RGSL1: variants seen among roughly 807,000 people sequenced by gnomAD.
RGSL1 encodes the protein regulator of G protein signaling like 1, also known as regulator of G protein signaling protein-like.
In RGSL1, 97 loss-of-function variants were observed where a neutral mutation model predicts 124.7. The observed-to-expected ratio is 0.78, with a 90% CI of 0.66 to 0.92. The LOEUF is 0.92. Ranked by LOEUF, RGSL1 falls within the 40% of genes least tolerant of loss-of-function variation. RGSL1 has a pLI of 0.00. For missense variants in RGSL1, 1,233 were observed against 1,288.4 expected, an observed-to-expected ratio of 0.96 and a Z score of 0.66; for synonymous variants, 424 against 438.1, an observed-to-expected ratio of 0.97 and a Z score of 0.40.
At chr1:182,480,892 T>C (rs965014543) in intron 6 of RGSL1, among the ~76,000 whole-genome samples, 1 of 152,036 alleles carries the variant, frequency 6.6e-6, no homozygotes, top group African/African-American at 2.4e-5. Context: ...AAAAAGGGCA[T>C]TTGAAAATAC....
chr1:182,527,782 C>G lies in RGSL1; in HGVS notation c.2125+10C>G. The stretch of plus-strand genomic sequence containing the variant: ...GGCCAACTCTCTCCTGGTATGCATC[C>G]TCTTCTGATCCTGTTTTCTCTCTCT... On this transcript the variant is annotated intron_variant, in intron 11 of 21. Transcript: ENST00000294854. The G allele has an allele frequency of 6.5e-7, 1 of 1,540,028 alleles. No homozygotes were observed. The highest frequency in any genetic ancestry group is 8.8e-7 in the Non-Finnish European group (1 of 1,140,078).
chr1:182,450,258 G>T, intron 1 of RGSL1, 80 bp downstream of exon 1: 3 of 1,503,838 alleles, frequency 2.0e-6, no homozygotes, highest in Non-Finnish European at 2.7e-6. Context: ...ATTGTTAATA[G>T]ATCTGAGCCA....
rs1395907586 is a variant in RGSL1 at position 182,540,388 on chromosome 1, T to C, written c.2636T>C (p.Ile879Thr). 1.9e-6 allele frequency: 3 copies of C among 1,550,896 alleles called. No homozygotes were observed. The highest frequency in any genetic ancestry group is 2.7e-5 in the African/African-American group (2 of 72,994). Residue 879 changes from isoleucine to threonine, a missense_variant, in exon 15 of 22, where the codon ATC becomes ACC. Coordinates refer to ENST00000294854, the MANE Select transcript of RGSL1 (RefSeq NM_001137669.2). Reference sequence around the variant, plus strand: ...AGGATTATCACTGTCAACTTTGCGATCAATGATCTATATTTCTTTTCTGAA... The same window carrying C: ...AGGATTATCACTGTCAACTTTGCGACCAATGATCTATATTTCTTTTCTGAA... ...GHRIITVNFA[I>T]NDLYFFSEME...
At chr1:182,547,526 A>G (rs1186720457) in intron 15 of RGSL1, among the ~76,000 whole-genome samples, 1 of 152,156 alleles carries the variant, frequency 6.6e-6, no homozygotes, top group East Asian at 1.9e-4. Context: ...AGCGTAGCCT[A>G]TTAAAAACAT....
intron 6 of RGSL1, among the ~76,000 whole-genome samples, chr1:182,485,973 C>T (rs987088094): frequency 4.6e-5 from 7 of 152,140 alleles, no homozygotes; most frequent in African/African-American, 1.4e-4. Context: ...TTGCAATGGA[C>T]TATATAGCCC....
intron 5 of RGSL1, 181 bp downstream of exon 5, chr1:182,472,738 A>C (rs1201433567): frequency 5.3e-6 from 3 of 564,786 alleles, no homozygotes; most frequent in African/African-American, 3.7e-5. Context: ...AGTTGTCCTT[A>C]AGCTGGCACT....
intron 18 of RGSL1, 41 bp downstream of exon 18, chr1:182,551,250 C>A: frequency 2.7e-6 from 4 of 1,486,678 alleles, no homozygotes; most frequent in Middle Eastern, 1.7e-4. Context: ...CTCCAGCAAC[C>A]AAGACTTGTG....
intron 6 of RGSL1, among the ~76,000 whole-genome samples, chr1:182,481,355 A>C (rs2102064546): frequency 6.6e-6 from 1 of 152,288 alleles, no homozygotes; most frequent in African/African-American, 2.4e-5. Context: ...CAAGAAATAA[A>C]TTTCTAGAAA....
upstream of RGSL1, chr1:182,448,210 GTT>G (rs964761404): frequency 4.0e-5 from 6 of 151,312 alleles, no homozygotes; most frequent in African/African-American, 1.5e-4. Flanking sequence ...TTGTTTGTTT[GTT>G]TGTTTGTTTG....
At chr1:182,513,475 CA>C (rs1657625294) in intron 9 of RGSL1, among the ~76,000 whole-genome samples, 1 of 152,216 alleles carries the variant, frequency 6.6e-6, no homozygotes, top group African/African-American at 2.4e-5. Context: ...AATATACTAA[CA>C]ATTTGCACCC....
chr1:182,466,544 A>G (rs1653345775), intron 4 of RGSL1, among the ~76,000 whole-genome samples: 1 of 152,180 alleles, frequency 6.6e-6, no homozygotes, highest in African/African-American at 2.4e-5. Context: ...ACAATGAACA[A>G]CCTGAAAGGA....
intron 3 of RGSL1, among the ~76,000 whole-genome samples, chr1:182,459,342 C>T (rs1457774604): frequency 6.6e-6 from 1 of 152,136 alleles, no homozygotes; most frequent in Non-Finnish European, 1.5e-5. Context: ...TCCACATCCC[C>T]TACAAGGGGG....
intron 11 of RGSL1, among the ~76,000 whole-genome samples, chr1:182,528,079 G>A (rs1448129375): frequency 1.3e-5 from 2 of 152,152 alleles, no homozygotes; most frequent in Non-Finnish European, 2.9e-5. Flanking sequence ...GAGGCCTCAG[G>A]AAACTTATAA....
intron 4 of RGSL1, among the ~76,000 whole-genome samples, chr1:182,468,859 T>A (rs1222549319): frequency 1.3e-5 from 2 of 151,934 alleles, no homozygotes; most frequent in Non-Finnish European, 2.9e-5. Flanking sequence ...AGCCTGGAAA[T>A]AAACCCTCAC....
At chr1:182,511,166 G>C (rs1214241224) in intron 9 of RGSL1, among the ~76,000 whole-genome samples, 1 of 151,990 alleles carries the variant, frequency 6.6e-6, no homozygotes, top group Non-Finnish European at 1.5e-5. Context: ...TATCCAGCTT[G>C]CTTTCTTTAT....
Position 182,493,018 on chromosome 1 carries a change from A to C in RGSL1, c.1718-4A>C. On this transcript the variant is annotated splice_region_variant and splice_polypyrimidine_tract_variant and intron_variant, in intron 8 of 21. Coordinates refer to ENST00000294854, the MANE Select transcript of RGSL1 (RefSeq NM_001137669.2). ...CTCTATCTCTGTTTTTCCTTACTTCACAGACATAACTAAAATGTCCTTTGA... is the reference window on the plus strand; with the variant it reads ...CTCTATCTCTGTTTTTCCTTACTTCCCAGACATAACTAAAATGTCCTTTGA... 1 of 1,539,712 alleles carries C rather than the reference A, an allele frequency of 6.5e-7. No homozygotes were observed. The highest frequency in any genetic ancestry group is 8.8e-7 in the Non-Finnish European group (1 of 1,135,918).
chr1:182,473,925 C>T lies in RGSL1; in HGVS notation c.814C>T (p.Pro272Ser), dbSNP rs920504759. 3.4e-5 allele frequency: 53 copies of T among 1,551,868 alleles called. No individual in the cohort carries two copies. The highest frequency in any genetic ancestry group is 7.8e-5 in the Admixed American group (4 of 50,972). The change falls in exon 6 of 22, where the codon CCA becomes TCA. Residue 272 changes from proline to serine, a missense_variant. Coordinates refer to ENST00000294854, the MANE Select transcript of RGSL1 (RefSeq NM_001137669.2). ...DSWSLEMDLK[P>S]DAIGMPLQET... is the part of the protein sequence containing the mutation. ...TTGGTCTCTGGAAATGGATCTCAAG[C>T]CAGATGCTATTGGTATGCCCCTACA...
chr1:182,483,417 T>A (rs1377671357), intron 6 of RGSL1, among the ~76,000 whole-genome samples: 4 of 152,160 alleles, frequency 2.6e-5, no homozygotes, highest in Non-Finnish European at 5.9e-5. Flanking sequence ...TGTATGTCAA[T>A]CATACCTTAA....
Position 182,458,350 on chromosome 1 carries a change from A to G in RGSL1, c.128A>G (p.Glu43Gly). 1 of 1,552,180 alleles carries G rather than the reference A, an allele frequency of 6.4e-7. No homozygotes were observed. The highest frequency in any genetic ancestry group is 8.7e-7 in the Non-Finnish European group (1 of 1,147,096). ...GGTCAGACACCATTTTATACTGTTG[A>G]AAATTCACAGTGGAGCTTGTGGCCA... ...VFGQTPFYTV[E>G]NSQWSLWPEI... The change falls in exon 3 of 22, where the codon GAA becomes GGA. Residue 43 changes from glutamate (E) to glycine (G), a missense_variant. Transcript: ENST00000294854.
Sources: allele counts gnomAD v4.1 joint callset (sites outside exome capture counted in the v4.1 genomes callset), GRCh38; gene constraint gnomAD v4.1.1; transcripts MANE v1.5; gene names NCBI Gene and HGNC (gene_info 2026-07-23, HGNC 2026-07-21).